The following CDH23 variants were observed in gnomAD, a reference collection of about 807,000 sequenced individuals.
The protein encoded by CDH23 is cadherin-23.
CDH23 carries 189 observed loss-of-function variants against 317.1 expected under a neutral mutation model. The observed-to-expected ratio is 0.60, with a 90% CI of 0.53 to 0.67. CDH23 has a LOEUF of 0.67. Among genes scored for constraint, CDH23 ranks in the 30% least tolerant of loss-of-function variants. The pLI, the probability that CDH23 is intolerant of heterozygous loss-of-function variation, is 0.00. For synonymous variants in CDH23, 1,839 were observed against 1,876.8 expected (o/e 0.98, Z 0.52); for missense variants, 4,401 against 4,592.4 (o/e 0.96, Z 1.20).
At chr10:71,478,354 C>T (rs972241696) in intron 3 of CDH23, among the ~76,000 whole-genome samples, 2 of 152,168 alleles carry the variant, frequency 1.3e-5, no homozygotes, top group Admixed American at 6.5e-5. Context: ...AACCTTACAC[C>T]TCAGGGCCTT....
intron 14 of CDH23, among the ~76,000 whole-genome samples, chr10:71,650,215 G>T (rs968967162): frequency 6.6e-6 from 1 of 152,256 alleles, no homozygotes; most frequent in Admixed American, 6.5e-5. Flanking sequence ...CTGCTCCAGG[G>T]ACAGAGCTGT....
At chr10:71,575,030 T>C (rs529059466) in intron 8 of CDH23, among the ~76,000 whole-genome samples, 6 of 150,100 alleles carry the variant, frequency 4.0e-5, no homozygotes, top group African/African-American at 1.5e-4. Flanking sequence ...CATACCCCCA[T>C]GTGAGGAAAG....
At chr10:71,453,292 C>T (rs1438091877) in intron 3 of CDH23, among the ~76,000 whole-genome samples, 1 of 152,242 alleles carries the variant, frequency 6.6e-6, no homozygotes, top group African/African-American at 2.4e-5. Flanking sequence ...CTCCAAACTC[C>T]ATCAATGCCC....
At position 71,812,782 on chromosome 10, in the gene CDH23, T is replaced by TTA; in HGVS notation, c.9525_9526insTA (p.Glu3176Ter). On this transcript the variant is annotated frameshift_variant, in exon 68 of 70. Coordinates refer to ENST00000224721, the MANE Select transcript of CDH23 (RefSeq NM_022124.6). LOFTEE classifies it high-confidence loss of function. ...CCTCTCCCCAGGGAACTTTTGGGCG[T>TTA]GAGCCAGCAGCTGTCAAGCCTGATG... The TTA allele has an allele frequency of 6.2e-7, 1 of 1,613,240 alleles. No homozygotes were observed. The highest frequency in any genetic ancestry group is 8.5e-7 in the Non-Finnish European group (1 of 1,179,562).
In CDH23 at chr10:71,580,280, A is replaced by C. The variant is rs1387288061; in HGVS notation, c.832+2288A>C. On this transcript the variant is annotated intron_variant, in intron 9 of 69. Coordinates refer to ENST00000224721, the MANE Select transcript of CDH23 (RefSeq NM_022124.6). ...TTGGAGTCCGGGCACAACTGCCTGC[A>C]GCATCTCCAGTGGCAAAATCTCCTG... Among the ~76,000 whole-genome samples, 5 of 152,224 alleles carry C rather than the reference A, an allele frequency of 3.3e-5. No homozygotes were observed. The South Asian group carries it at 6.2e-4, about 19-fold the overall frequency.
chr10:71,732,797 G>A (rs1839434670), intron 32 of CDH23: 3 of 819,440 alleles, frequency 3.7e-6, no homozygotes, highest in South Asian at 4.4e-5. Flanking sequence ...TCATCGAAGT[G>A]TGTGTGGGGT....
chr10:71,571,028 C>A (rs1857765052), intron 8 of CDH23, 110 bp downstream of exon 8: 9 of 1,245,260 alleles, frequency 7.2e-6, no homozygotes, highest in Non-Finnish European at 1.0e-5. Context: ...CTTGGCTCCT[C>A]CGCAGTCCCT....
intron 1 of CDH23, among the ~76,000 whole-genome samples, chr10:71,426,223 G>A (rs1849072168): frequency 1.3e-5 from 2 of 152,288 alleles, no homozygotes; most frequent in African/African-American, 4.8e-5. Flanking sequence ...GAGCAGTGAT[G>A]GGGTCAGCAT....
At chr10:71,675,903 C>T (rs1218779023) in intron 15 of CDH23, among the ~76,000 whole-genome samples, 1 of 120,852 alleles carries the variant, frequency 8.3e-6, no homozygotes, top group Non-Finnish European at 1.7e-5. Flanking sequence ...AGCCCTCTAA[C>T]TTTTTTTTTT....
chr10:71,752,639 G>C (rs561013277), intron 38 of CDH23, among the ~76,000 whole-genome samples: 1 of 152,186 alleles, frequency 6.6e-6, no homozygotes, highest in Non-Finnish European at 1.5e-5. Context: ...CAGCTCAAGG[G>C]CTGTGGCTGG....
intron 55 of CDH23, among the ~76,000 whole-genome samples, chr10:71,803,815 CAAAAAAAAA>C (rs59916449): frequency 1.4e-5 from 1 of 71,086 alleles, no homozygotes; most frequent in African/African-American, 5.7e-5. Context: ...ACTAAAAATG[CAAAAAAAAA>C]AAAAAAAAAA....
At chr10:71,794,255 G>A (rs1589425447) in intron 48 of CDH23, among the ~76,000 whole-genome samples, 2 of 152,142 alleles carry the variant, frequency 1.3e-5, no homozygotes, top group South Asian at 2.1e-4. Flanking sequence ...CACCTGCCTC[G>A]GCCTCCCAAG....
At chr10:71,510,310 G>A (rs370172139) in intron 4 of CDH23, 86 bp downstream of exon 4, 97 of 1,492,586 alleles carry the variant, frequency 6.5e-5, no homozygotes, top group African/African-American at 5.4e-4. Flanking sequence ...ATCTTTTGGC[G>A]TCTTCCTCTA....
chr10:71,578,558 G>A (rs1858394176), intron 9 of CDH23, among the ~76,000 whole-genome samples: 1 of 152,152 alleles, frequency 6.6e-6, no homozygotes, highest in African/African-American at 2.4e-5. Flanking sequence ...GTGACTGACG[G>A]CAGAGATGGT....
intron 6 of CDH23, among the ~76,000 whole-genome samples, chr10:71,559,027 G>A (rs1420266269): frequency 6.6e-6 from 1 of 152,132 alleles, no homozygotes; most frequent in East Asian, 1.9e-4. Context: ...AAGGGATCTG[G>A]GAGTCTAACC....
chr10:71,682,682 C>A, intron 18 of CDH23, 110 bp downstream of exon 18: 1 of 1,380,664 alleles, frequency 7.2e-7, no homozygotes, highest in Non-Finnish European at 1.0e-6. Context: ...GCTGTCCCTG[C>A]ACCTTGGGGA....
chr10:71,760,885 G>C, intron 38 of CDH23: 1 of 1,613,754 alleles, frequency 6.2e-7, no homozygotes, highest in Non-Finnish European at 8.5e-7. Flanking sequence ...ATCCTGGGAG[G>C]AGGATGGGTA....
chr10:71,518,241 T>C (rs1240173774), intron 6 of CDH23, among the ~76,000 whole-genome samples: 3 of 152,216 alleles, frequency 2.0e-5, no homozygotes, highest in Non-Finnish European at 4.4e-5. Flanking sequence ...TTCTCCAAGT[T>C]CCCCAGAGTC....
chr10:71,673,083 C>T (rs1378601795), intron 14 of CDH23, among the ~76,000 whole-genome samples: 1 of 152,206 alleles, frequency 6.6e-6, no homozygotes, highest in Non-Finnish European at 1.5e-5. Context: ...TCTTTGTCTT[C>T]ACCGCTGTCT....
Sources: gnomAD v4.1 joint callset for allele counts (sites outside exome capture counted in the v4.1 genomes callset) on GRCh38, gnomAD v4.1.1 for gene constraint, MANE v1.5 for transcripts, NCBI Gene and HGNC (gene_info 2026-07-23, HGNC 2026-07-21) for gene names.